ZNF184: variants seen among roughly 807,000 people sequenced by gnomAD.
ZNF184 encodes zinc finger protein 184 (Kruppel-like).
ZNF184 carries 16 observed loss-of-function variants against 54.4 expected under a neutral mutation model. That is an observed-to-expected ratio of 0.29 (90% CI 0.20 to 0.45). ZNF184 has a LOEUF of 0.45. ZNF184 is among the 20% of genes least tolerant of loss of function. ZNF184 has a pLI of 1.00. For synonymous variants in ZNF184, 254 were observed against 295.3 expected, an observed-to-expected ratio of 0.86 and a Z score of 1.43; for missense variants, 681 against 888.2, an observed-to-expected ratio of 0.77 and a Z score of 2.97.
At chr6:27,441,935 T>C in the ZNF184 span, among the ~76,000 whole-genome samples, 3 of 152,202 alleles carry the variant, frequency 2.0e-5, no homozygotes, top group Admixed American at 6.5e-5. Flanking sequence ...CAACTTGTTA[T>C]CAGAAAAGAA....
At position 27,452,156 on chromosome 6, in the gene ZNF184, T is replaced by C. The variant is rs749725443; in HGVS notation, c.1403A>G (p.His468Arg). The C allele has an allele frequency of 1.1e-5, 17 of 1,614,032 alleles. No homozygotes were observed. Among genetic ancestry groups the C allele is most frequent in the South Asian group, 2.2e-5 (2 of 91,082 alleles). Residue 468 changes from histidine to arginine, a missense_variant, in exon 6 of 6, where the codon CAT becomes CGT. By Grantham distance (29) the His-to-Arg change is conservative. Transcript: ENST00000683788. The surrounding 1 kb of genome is among the most constrained non-coding windows in gnomAD (Gnocchi z 5.5). ...GCATTTGTAAGGTTTTTCTCCAGTA[T>C]GAATTTTCAGGTGTTGAGCAAGGGA... Reference protein sequence around the residue: ...WSSLAQHLKIHTGEKPYKCNE... With the variant: ...WSSLAQHLKIRTGEKPYKCNE...
the ZNF184 span, among the ~76,000 whole-genome samples, chr6:27,434,994 G>C: frequency 6.6e-6 from 1 of 152,118 alleles, no homozygotes; most frequent in African/African-American, 2.4e-5. Context: ...TTTCTTTGCT[G>C]TCTAGTCTCT....
the ZNF184 span, among the ~76,000 whole-genome samples, chr6:27,421,546 C>T: frequency 6.6e-6 from 1 of 152,060 alleles, no homozygotes; most frequent in Non-Finnish European, 1.5e-5. Context: ...TATCTGTCCA[C>T]GTACAGATAT....
intron 2 of ZNF184, among the ~76,000 whole-genome samples, chr6:27,469,441 G>A (rs1233300530): frequency 6.6e-6 from 1 of 152,138 alleles, no homozygotes. Flanking sequence ...AGGAGTTAGA[G>A]ACCAGCCTGA....
chr6:27,432,161 TGTG>T, the ZNF184 span, among the ~76,000 whole-genome samples: 1 of 152,070 alleles, frequency 6.6e-6, no homozygotes, highest in Non-Finnish European at 1.5e-5. This position sits in a 1 kb window ranked among gnomAD's most constrained non-coding sequence, Gnocchi z 4.0. Flanking sequence ...GCTGTCCAGA[TGTG>T]GTACAGAAAG....
At chr6:27,457,196 T>C in intron 4 of ZNF184, 87 bp downstream of exon 4, 2 of 1,512,856 alleles carry the variant, frequency 1.3e-6, no homozygotes, top group Non-Finnish European at 1.8e-6. Flanking sequence ...GGTTGGTTAC[T>C]AAACTTAAAG....
At chr6:27,468,860 AACTG>A (rs909562592) in intron 2 of ZNF184, among the ~76,000 whole-genome samples, 1 of 152,246 alleles carries the variant, frequency 6.6e-6, no homozygotes, top group African/African-American at 2.4e-5. Context: ...CTGGAGGGAT[AACTG>A]ACTGGGCAGA....
the ZNF184 span, among the ~76,000 whole-genome samples, chr6:27,443,466 G>A: frequency 6.6e-6 from 1 of 152,152 alleles, no homozygotes; most frequent in Admixed American, 6.5e-5. Context: ...TATACTTGGT[G>A]ATTTCGATAT....
chr6:27,408,078 C>A, the ZNF184 span: 2 of 786,400 alleles, frequency 2.5e-6, no homozygotes, highest in Admixed American at 3.5e-5. Context: ...CAAATTAACT[C>A]ATTTCTAACT....
chr6:27,418,952 A>T, the ZNF184 span, among the ~76,000 whole-genome samples: 2 of 151,988 alleles, frequency 1.3e-5, no homozygotes, highest in Non-Finnish European at 2.9e-5. Context: ...CTAGTGTCCT[A>T]TATTTTAAAA....
the ZNF184 span, among the ~76,000 whole-genome samples, chr6:27,431,526 T>G: frequency 6.6e-6 from 1 of 152,172 alleles, no homozygotes; most frequent in Admixed American, 6.5e-5. Flanking sequence ...GAAATGTTAA[T>G]GGATTGATTT....
At chr6:27,464,889 C>T (rs1359616285) in intron 3 of ZNF184, among the ~76,000 whole-genome samples, 5 of 151,008 alleles carry the variant, frequency 3.3e-5, no homozygotes, top group Non-Finnish European at 5.9e-5. Flanking sequence ...TGGTGGCGAG[C>T]GCCAGTAGTC....
the ZNF184 span, among the ~76,000 whole-genome samples, chr6:27,422,869 G>A: frequency 6.6e-6 from 1 of 152,132 alleles, no homozygotes; most frequent in African/African-American, 2.4e-5. Flanking sequence ...TACAGCACCC[G>A]GTTATACACA....
At chr6:27,425,660 C>T in the ZNF184 span, among the ~76,000 whole-genome samples, 1 of 152,182 alleles carries the variant, frequency 6.6e-6, no homozygotes, top group Non-Finnish European at 1.5e-5. Flanking sequence ...CAGCATTCCT[C>T]TTAGAACAAG....
the ZNF184 span, among the ~76,000 whole-genome samples, chr6:27,434,166 G>A: frequency 1.8e-4 from 28 of 152,054 alleles, no homozygotes; most frequent in African/African-American, 5.6e-4. Flanking sequence ...GACTACATTT[G>A]CTTTCAATTC....
intron 5 of ZNF184, among the ~76,000 whole-genome samples, chr6:27,456,214 C>T (rs112037188): frequency 2.0e-4 from 31 of 151,554 alleles, no homozygotes; most frequent in African/African-American, 4.9e-4. Flanking sequence ...GCCAAGATTA[C>T]GCCACTGCAC....
At chr6:27,471,518 A>G (rs1256822472) in intron 2 of ZNF184, among the ~76,000 whole-genome samples, 1 of 152,224 alleles carries the variant, frequency 6.6e-6, no homozygotes, top group Non-Finnish European at 1.5e-5. Context: ...GAAGTAGTAC[A>G]TTATCCTCTC....
chr6:27,452,801 T>C lies in ZNF184; in HGVS notation c.758A>G (p.Asn253Ser), dbSNP rs535511048. 7.4e-6 allele frequency: 12 copies of C among 1,613,462 alleles called. No homozygotes were observed. In the Admixed American group the frequency reaches 2.0e-4, roughly 27 times the overall value. Residue 253 changes from asparagine (N) to serine (S), a missense_variant, in exon 6 of 6, where the codon AAT becomes AGT. Physicochemically the swap from Asn to Ser is conservative, Grantham distance 46 (BLOSUM62 1). Coordinates refer to ENST00000683788, the MANE Select transcript of ZNF184 (RefSeq NM_001318891.2). The surrounding 1 kb of genome is among the most constrained non-coding windows in gnomAD (Gnocchi z 5.5). ...CCGGCTGAAGGCTTTTTCACATTCATTACATTTGTAGGGTTTTTCTCCAGT... is the reference window on the plus strand; with the variant it reads ...CCGGCTGAAGGCTTTTTCACATTCACTACATTTGTAGGGTTTTTCTCCAGT... ...THTGEKPYKC[N>S]ECEKAFSRSE...
chr6:27,422,643 C>T, the ZNF184 span, among the ~76,000 whole-genome samples: 2 of 151,786 alleles, frequency 1.3e-5, no homozygotes, highest in Non-Finnish European at 2.9e-5. Context: ...TCTCCTGTTT[C>T]CCAAAATCTC....
Sources: allele counts gnomAD v4.1 joint callset (sites outside exome capture counted in the v4.1 genomes callset), GRCh38; gene constraint gnomAD v4.1.1; non-coding constraint Gnocchi (gnomAD v3.1); transcripts MANE v1.5; gene names NCBI Gene and HGNC (gene_info 2026-07-23, HGNC 2026-07-21).